Variants in POF1B observed in about 807,000 individuals in gnomAD.
POF1B encodes the protein protein POF1B.
POF1B carries 53 observed loss-of-function variants against 55.3 expected under a neutral mutation model. That is an observed-to-expected ratio of 0.96 (90% CI 0.77 to 1.20). POF1B has a LOEUF of 1.20. Among genes scored for constraint, POF1B ranks in the 50% most tolerant of loss-of-function variants. POF1B has a pLI of 0.00. For missense variants in POF1B, 478 were observed against 420.5 expected, an observed-to-expected ratio of 1.14 and a Z score of -1.20; for synonymous variants, 188 against 148.3, an observed-to-expected ratio of 1.27 and a Z score of -1.95.
intron 6 of POF1B, among the ~76,000 whole-genome samples, chrX:85,343,552 T>A (rs887954509): frequency 9.0e-6 from 1 of 111,524 alleles, no homozygotes; most frequent in Non-Finnish European, 1.9e-5. Flanking sequence ...TAATAATCTT[T>A]CATTTGCAAA....
chrX:85,308,080 C>A, intron 10 of POF1B, 44 bp downstream of exon 10: 1 of 847,592 alleles, frequency 1.2e-6, no homozygotes, highest in Non-Finnish European at 1.7e-6. Flanking sequence ...TATTAGGAAG[C>A]TAGTAACTAG....
intron 7 of POF1B, among the ~76,000 whole-genome samples, chrX:85,324,255 G>A (rs965437143): frequency 6.3e-5 from 7 of 111,174 alleles, no homozygotes; most frequent in Non-Finnish European, 1.3e-4. Context: ...GTTGATTTAA[G>A]GTTCCGAATA....
At chrX:85,367,602 T>C in intron 3 of POF1B, 90 bp downstream of exon 3, 1 of 626,048 alleles carries the variant, frequency 1.6e-6, no homozygotes, top group Non-Finnish European at 2.6e-6. Context: ...TGTAAAGTCT[T>C]ATGGGGGTCT....
intron 9 of POF1B, among the ~76,000 whole-genome samples, chrX:85,309,866 C>A (rs2147907988): frequency 9.0e-6 from 1 of 111,712 alleles, no homozygotes; most frequent in African/African-American, 3.2e-5. Context: ...TGCTTTCATT[C>A]CTACTGGCCA....
chrX:85,358,651 G>T (rs1051170291), intron 4 of POF1B, among the ~76,000 whole-genome samples: 1 of 110,353 alleles, frequency 9.1e-6, no homozygotes, highest in Non-Finnish European at 1.9e-5. Context: ...AACAGAGATA[G>T]AAAAAAATCA....
At chrX:85,356,433 G>A (rs749726236) in intron 4 of POF1B, among the ~76,000 whole-genome samples, 200 of 108,392 alleles carry the variant, frequency 1.8e-3, no homozygotes, top group African/African-American at 6.4e-3. Context: ...TTGTGCACAT[G>A]TACCCTAGAA....
At chrX:85,351,687 G>A (rs891077434) in intron 4 of POF1B, among the ~76,000 whole-genome samples, 7 of 110,600 alleles carry the variant, frequency 6.3e-5, no homozygotes, top group East Asian at 2.9e-4. Flanking sequence ...GCCTAATAAC[G>A]TCTTTTGTGG....
intron 7 of POF1B, among the ~76,000 whole-genome samples, chrX:85,322,034 A>G (rs1022754321): frequency 1.8e-5 from 2 of 110,769 alleles, no homozygotes; most frequent in African/African-American, 6.6e-5. Context: ...TAATTTATAG[A>G]TTCAATGCCA....
At chrX:85,344,546 G>T (rs961825775) in intron 6 of POF1B, among the ~76,000 whole-genome samples, 13 of 111,238 alleles carry the variant, frequency 1.2e-4, no homozygotes, top group Non-Finnish European at 1.7e-4. Flanking sequence ...GCAAAGCAAA[G>T]TTAAGCATTA....
At chrX:85,315,674 C>A in intron 8 of POF1B, 33 bp downstream of exon 8, 2 of 1,101,688 alleles carry the variant, frequency 1.8e-6, no homozygotes, top group Middle Eastern at 2.5e-4. Flanking sequence ...TGTTATTATA[C>A]TATATTCGAT....
At chrX:85,370,402 C>T (rs1933799116) in intron 2 of POF1B, among the ~76,000 whole-genome samples, 1 of 111,459 alleles carries the variant, frequency 9.0e-6, no homozygotes, top group South Asian at 3.8e-4. Flanking sequence ...TGTGGCTTTC[C>T]CACGCAACCC....
At chrX:85,307,740 T>G (rs1037813136) in intron 10 of POF1B, among the ~76,000 whole-genome samples, 2 of 111,789 alleles carry the variant, frequency 1.8e-5, no homozygotes, top group Admixed American at 9.5e-5. Context: ...AAAAATTAAT[T>G]TTTTGGAGAA....
chrX:85,322,231 G>A (rs892544518), intron 7 of POF1B, among the ~76,000 whole-genome samples: 9 of 110,783 alleles, frequency 8.1e-5, no homozygotes, highest in African/African-American at 2.3e-4. Flanking sequence ...GCATGGTACC[G>A]GTACCAAAAG....
In POF1B at chrX:85,286,985, T is replaced by A. The variant is rs1009035665; in HGVS notation, c.1650-4668A>T. ...CCAAATATGTGGAAACCAAAAAATT[T>A]AAATCTAAAAAACCTGTAGATCCAA... On this transcript the variant is annotated intron_variant, in intron 15 of 16. Transcript: ENST00000262753. 7.2e-5 allele frequency among the ~76,000 whole-genome samples: 8 copies of A among 111,320 alleles called. No individual in the cohort carries two copies. The South Asian group carries it at 3.0e-3, about 41-fold the overall frequency.
chrX:85,294,730 T>G (rs773323302), intron 15 of POF1B, among the ~76,000 whole-genome samples: 1 of 111,804 alleles, frequency 8.9e-6, no homozygotes, highest in South Asian at 3.7e-4. Flanking sequence ...GCTGGCTTCA[T>G]AGAATGAGTT....
At chrX:85,343,213 GA>G (rs980868279) in intron 6 of POF1B, among the ~76,000 whole-genome samples, 5 of 109,052 alleles carry the variant, frequency 4.6e-5, no homozygotes, top group Admixed American at 9.9e-5. Context: ...ATCTAAAATG[GA>G]AAAAAAGCGG....
intron 6 of POF1B, among the ~76,000 whole-genome samples, chrX:85,335,972 A>G (rs1391788797): frequency 9.1e-6 from 1 of 109,478 alleles, no homozygotes; most frequent in South Asian, 3.9e-4. Flanking sequence ...TTTTGTGCCC[A>G]TTAACAATCC....
In POF1B at chrX:85,290,715, C is replaced by T. The variant is rs372584053; in HGVS notation, c.1650-8398G>A. Among the ~76,000 whole-genome samples, 99 of 111,864 alleles carry T rather than the reference C, an allele frequency of 8.9e-4. No homozygotes were observed. The Middle Eastern group carries it at 0.019, about 21-fold the overall frequency. On this transcript the variant is annotated intron_variant, in intron 15 of 16. Coordinates refer to ENST00000262753, the MANE Select transcript of POF1B (RefSeq NM_024921.4). The stretch of plus-strand genomic sequence containing the variant: ...TTCTCTGATCACTAGTGATGATGAG[C>T]ATTTTATTCATGTTTGGTGGTTGCT...
chrX:85,327,595 C>G (rs1003995599), intron 7 of POF1B, among the ~76,000 whole-genome samples: 3 of 111,810 alleles, frequency 2.7e-5, no homozygotes, highest in African/African-American at 9.8e-5. Flanking sequence ...TAGGGAGGGC[C>G]TAGCAAAAGT....
Sources: gnomAD v4.1 joint callset for allele counts (sites outside exome capture counted in the v4.1 genomes callset) on GRCh38, gnomAD v4.1.1 for gene constraint, MANE v1.5 for transcripts, NCBI Gene and HGNC (gene_info 2026-07-23, HGNC 2026-07-21) for gene names.